Variants in ENOX1 observed in about 807,000 individuals in gnomAD.
ENOX1 encodes the protein candidate growth-related and time keeping constitutive hydroquinone (NADH) oxidase.
In ENOX1, 42 loss-of-function variants were observed where a neutral mutation model predicts 82.5. That is an observed-to-expected ratio of 0.51 (90% CI 0.40 to 0.66). The LOEUF (loss-of-function observed/expected upper bound fraction) is 0.66, where lower values mean the gene tolerates loss of function less well. Among genes scored for constraint, ENOX1 ranks in the 30% least tolerant of loss-of-function variants. The pLI, the probability that ENOX1 is intolerant of heterozygous loss-of-function variation, is 0.00. For missense variants in ENOX1, 608 were observed against 811.6 expected (o/e 0.75, Z 3.05); for synonymous variants, 271 against 282.2 (o/e 0.96, Z 0.40).
chr13:43,447,574 CAGG>C (rs1277886970), intron 3 of ENOX1, among the ~76,000 whole-genome samples: 2 of 151,786 alleles, frequency 1.3e-5, no homozygotes, highest in Non-Finnish European at 2.9e-5. Flanking sequence ...ATCCAGAATG[CAGG>C]AGATCTTTTT....
chr13:43,767,937 GGA>G (rs927081900), intron 1 of ENOX1, among the ~76,000 whole-genome samples: 4 of 152,208 alleles, frequency 2.6e-5, no homozygotes, highest in Admixed American at 2.6e-4. Flanking sequence ...TGAGGAGGAG[GGA>G]GAGAGACTAA....
intron 9 of ENOX1, among the ~76,000 whole-genome samples, chr13:43,336,633 A>G (rs1339403914): frequency 2.0e-5 from 3 of 152,236 alleles, no homozygotes; most frequent in African/African-American, 7.2e-5. Flanking sequence ...TGCCTGTTCT[A>G]TGATCACTTT....
At chr13:43,505,491 C>T (rs2077121954) in intron 2 of ENOX1, among the ~76,000 whole-genome samples, 1 of 151,968 alleles carries the variant, frequency 6.6e-6, no homozygotes, top group South Asian at 2.1e-4. Context: ...ATAACACTTA[C>T]TGACAGACAT....
rs1187005075 is a variant in ENOX1, at chr13:43,360,109, C to G, written c.383-52G>C. 3 of 1,533,804 alleles carry G rather than the reference C, an allele frequency of 2.0e-6. No homozygotes were observed. The South Asian group carries it at 3.4e-5, about 18-fold the overall frequency. On this transcript the variant is annotated intron_variant, in intron 6 of 16. Coordinates refer to ENST00000690772, the MANE Select transcript of ENOX1 (RefSeq NM_001347969.2). ...TTTATCTTTCATTTATTTGCTTTCT[C>G]TGGTTCTCCTGGCAAAACTAAAGCT...
intron 2 of ENOX1, among the ~76,000 whole-genome samples, chr13:43,495,089 A>G (rs1251813254): frequency 6.6e-6 from 1 of 152,146 alleles, no homozygotes; most frequent in African/African-American, 2.4e-5. Flanking sequence ...GAGAAATGCC[A>G]CATTCCTTCC....
At chr13:43,224,995 A>G (rs1029622235) in intron 15 of ENOX1, among the ~76,000 whole-genome samples, 2 of 152,208 alleles carry the variant, frequency 1.3e-5, no homozygotes, top group Admixed American at 1.3e-4. Context: ...CTTGTTATTC[A>G]CGATAGCAAA....
rs924904986 is a variant in ENOX1, at chr13:43,387,701, C to CAT, written c.208+24214_208+24215insAT. Among the ~76,000 whole-genome samples the CAT allele has an allele frequency of 2.8e-4, 43 of 151,928 alleles. No homozygotes were observed. In the South Asian group the frequency reaches 4.4e-3, roughly 15 times the overall value. On this transcript the variant is annotated intron_variant, in intron 5 of 16. Transcript: ENST00000690772. ...ATATAAACATACACATGCACACACACACATATATAAACATATATACACATA... is the reference window on the plus strand; with the variant it reads ...ATATAAACATACACATGCACACACACATACATATATAAACATATATACACATA...
intron 11 of ENOX1, among the ~76,000 whole-genome samples, chr13:43,306,647 C>T (rs576031670): frequency 4.6e-5 from 7 of 152,144 alleles, no homozygotes; most frequent in Non-Finnish European, 7.3e-5. Context: ...AGCAATCCTT[C>T]CCTCCAAAAC....
Position 43,359,909 on chromosome 13 carries a change from ATTC to A in ENOX1, c.528_530del (p.Lys176del), listed in dbSNP as rs1390789098. On this transcript the variant is annotated inframe_deletion, in exon 7 of 17. Coordinates refer to ENST00000690772, the MANE Select transcript of ENOX1 (RefSeq NM_001347969.2). ...CCTCTGCAAAGCGAATGTGACAAAAATTCTTCTTGCTTTTCCGAATTGCTGTAA... is the reference window on the plus strand; with the variant it reads ...CCTCTGCAAAGCGAATGTGACAAAAATTCTTGCTTTTCCGAATTGCTGTAA... 4 of 1,614,238 alleles carry A rather than the reference ATTC, an allele frequency of 2.5e-6. No individual in the cohort carries two copies. The highest frequency in any genetic ancestry group is 1.1e-5 in the South Asian group (1 of 91,080).
In ENOX1 at chr13:43,777,060, T is replaced by C. The variant is rs542983388; in HGVS notation, c.-285+9592A>G. ...GTTCCAGTGAGCTTGAATAAGAAGC[T>C]CCTTTTACAATAGGCATACTTTAAA... is the stretch of plus-strand genomic sequence containing the variant. On this transcript the variant is annotated intron_variant, in intron 1 of 16. Coordinates refer to ENST00000690772, the MANE Select transcript of ENOX1 (RefSeq NM_001347969.2). 4.7e-4 allele frequency among the ~76,000 whole-genome samples: 72 copies of C among 152,320 alleles called. 1 individual carries two copies. The highest frequency in any genetic ancestry group is 1.6e-3 in the African/African-American group (68 of 41,580).
At chr13:43,409,982 G>C (rs1264929021) in intron 5 of ENOX1, among the ~76,000 whole-genome samples, 1 of 152,152 alleles carries the variant, frequency 6.6e-6, no homozygotes, top group Non-Finnish European at 1.5e-5. Context: ...CTCAAAAACA[G>C]TTTAAGCAAT....
chr13:43,335,951 T>A (rs554894125), intron 9 of ENOX1, among the ~76,000 whole-genome samples: 2 of 152,284 alleles, frequency 1.3e-5, no homozygotes, highest in South Asian at 2.1e-4. Flanking sequence ...GGTATTTTTT[T>A]AAATGGAAAT....
intron 5 of ENOX1, among the ~76,000 whole-genome samples, chr13:43,390,793 G>C (rs2153581634): frequency 6.6e-6 from 1 of 152,144 alleles, no homozygotes; most frequent in South Asian, 2.1e-4. Context: ...TCTATAGAAG[G>C]TTTCTAGTTT....
rs372154285 is a variant in ENOX1, at chr13:43,555,483, A to G, written c.-218-71331T>C. On this transcript the variant is annotated intron_variant, in intron 2 of 16. Transcript: ENST00000690772. ...ATAATTGCTGAGGAAAGGCCAAAGC[A>G]TTTACGGTCAATCAGATGAGGAAAA... Among the ~76,000 whole-genome samples the G allele has an allele frequency of 4.6e-5, 7 of 152,238 alleles. No homozygotes were observed. The South Asian group carries it at 1.4e-3, about 32-fold the overall frequency.
At chr13:43,274,122 G>A (rs940064329) in intron 12 of ENOX1, among the ~76,000 whole-genome samples, 2 of 152,122 alleles carry the variant, frequency 1.3e-5, no homozygotes, top group South Asian at 2.1e-4. Flanking sequence ...AACTTTTTGA[G>A]GAAAACAGCA....
intron 2 of ENOX1, among the ~76,000 whole-genome samples, chr13:43,653,550 T>G (rs948184243): frequency 6.6e-6 from 1 of 152,234 alleles, no homozygotes; most frequent in African/African-American, 2.4e-5. Flanking sequence ...TGAATTTGCA[T>G]GCATATTACA....
At chr13:43,709,357 A>G (rs1160192108) in intron 1 of ENOX1, among the ~76,000 whole-genome samples, 1 of 152,168 alleles carries the variant, frequency 6.6e-6, no homozygotes, top group Non-Finnish European at 1.5e-5. Flanking sequence ...AAGGAACAAA[A>G]AAAGTAAAAA....
At chr13:43,650,581 G>A (rs2084115526) in intron 2 of ENOX1, among the ~76,000 whole-genome samples, 1 of 152,136 alleles carries the variant, frequency 6.6e-6, no homozygotes. Context: ...CCTCACTCCT[G>A]TAATCCCAGC....
intron 3 of ENOX1, among the ~76,000 whole-genome samples, chr13:43,469,146 A>G (rs902091069): frequency 6.6e-6 from 1 of 152,078 alleles, no homozygotes; most frequent in African/African-American, 2.4e-5. Context: ...AAGTTTCCTT[A>G]TATTCCTAGT....
Sources: gnomAD v4.1 joint callset for allele counts (sites outside exome capture counted in the v4.1 genomes callset) on GRCh38, gnomAD v4.1.1 for gene constraint, MANE v1.5 for transcripts, NCBI Gene and HGNC (gene_info 2026-07-23, HGNC 2026-07-21) for gene names.